Variants in MASP1 observed in about 807,000 individuals in gnomAD.
The protein encoded by MASP1 is mannan-binding lectin serine protease 1.
A neutral mutation model predicts 77.1 loss-of-function variants in MASP1; 59 were observed. The observed-to-expected ratio is 0.77, with a 90% confidence interval of 0.62 to 0.95. The LOEUF (loss-of-function observed/expected upper bound fraction) is 0.95, where lower values mean the gene tolerates loss of function less well. MASP1 is among the 40% of genes least tolerant of loss of function. The pLI, the probability that MASP1 is intolerant of heterozygous loss-of-function variation, is 0.00. For synonymous variants in MASP1, 362 were observed against 354.5 expected (o/e 1.02, Z -0.24); for missense variants, 885 against 912.9 (o/e 0.97, Z 0.39).
Position 187,235,525 on chromosome 3 carries a change from C to G in MASP1, c.*159G>C. ...CCTGGAGCCTTTTCCCTATACCACACTCTGCCTCTCAGGGTCCTGGGGGCT... is the reference window on the plus strand; with the variant it reads ...CCTGGAGCCTTTTCCCTATACCACAGTCTGCCTCTCAGGGTCCTGGGGGCT... On this transcript the variant is annotated 3_prime_UTR_variant, in exon 11 of 11. Transcript: ENST00000296280. 1 of 1,533,852 alleles carries G rather than the reference C, an allele frequency of 6.5e-7. No homozygotes were observed. The highest frequency in any genetic ancestry group is 8.7e-7 in the Non-Finnish European group (1 of 1,146,994).
intron 8 of MASP1, among the ~76,000 whole-genome samples, chr3:187,245,505 T>C (rs1478901120): frequency 6.6e-6 from 1 of 151,978 alleles, no homozygotes; most frequent in Non-Finnish European, 1.5e-5. Flanking sequence ...GCCCTACAAC[T>C]AGGTAGAGGG....
chr3:187,285,952 G>A lies in MASP1; in HGVS notation c.110C>T (p.Pro37Leu). The A allele has an allele frequency of 6.2e-7, 1 of 1,614,200 alleles. No homozygotes were observed. The highest frequency in any genetic ancestry group is 8.5e-7 in the Non-Finnish European group (1 of 1,180,016). The part of the protein sequence containing the change: ...MFGQIQSPGY[P>L]DSYPSDSEVT... The stretch of plus-strand genomic sequence containing the variant: ...CTCTGAATCACTGGGATAGGAGTCT[G>A]GATAACCAGGCGACTGGATCTGGCC... Residue 37 changes from proline (P) to leucine (L), a missense_variant, in exon 2 of 11, where the codon CCA becomes CTA. Transcript: ENST00000296280.
chr3:187,282,876 G>A (rs546356052), intron 2 of MASP1, among the ~76,000 whole-genome samples: 66 of 152,300 alleles, frequency 4.3e-4, no homozygotes, highest in African/African-American at 1.4e-3. Flanking sequence ...TCTTTGAAAG[G>A]AACTGGAAAA....
chr3:187,226,185 C>CTTCA, intron 12 of MASP1: 5 of 562,502 alleles, frequency 8.9e-6, no homozygotes, highest in Non-Finnish European at 1.6e-5. Flanking sequence ...CTCATTTTAT[C>CTTCA]GTTGTGAAAC....
intron 2 of MASP1, among the ~76,000 whole-genome samples, chr3:187,279,950 T>G (rs765480494): frequency 2.1e-4 from 32 of 152,242 alleles, no homozygotes; most frequent in Non-Finnish European, 3.7e-4. Flanking sequence ...TAGTTCATTT[T>G]ACTTCGAAGA....
intron 2 of MASP1, among the ~76,000 whole-genome samples, chr3:187,279,374 T>C (rs1049446672): frequency 2.0e-5 from 3 of 152,190 alleles, no homozygotes; most frequent in Non-Finnish European, 4.4e-5. Flanking sequence ...GCTGCAAGAG[T>C]TGCCAGATTT....
chr3:187,218,583 G>C (rs957890010), exon 16 of MASP1: 1 of 148,820 alleles, frequency 6.7e-6, no homozygotes, highest in Admixed American at 6.8e-5. Flanking sequence ...TTCAGCCTGG[G>C]GCTTAATATA....
intron 8 of MASP1, chr3:187,247,197 G>A: frequency 6.4e-7 from 1 of 1,562,960 alleles, no homozygotes; most frequent in South Asian, 1.2e-5. Context: ...AGATCATGTT[G>A]TTCAGCACCC....
chr3:187,274,394 G>C (rs1407867021), intron 2 of MASP1, among the ~76,000 whole-genome samples: 1 of 152,090 alleles, frequency 6.6e-6, no homozygotes, highest in Non-Finnish European at 1.5e-5. Context: ...AGTCCACATA[G>C]CCTACAAGTA....
intron 8 of MASP1, among the ~76,000 whole-genome samples, chr3:187,245,419 C>T (rs150698499): frequency 3.9e-5 from 6 of 152,112 alleles, no homozygotes; most frequent in South Asian, 4.2e-4. Context: ...CTGATGCTGG[C>T]GGATAGATAT....
intron 2 of MASP1, among the ~76,000 whole-genome samples, chr3:187,268,800 C>T (rs1382898725): frequency 6.6e-6 from 1 of 152,170 alleles, no homozygotes; most frequent in Non-Finnish European, 1.5e-5. Flanking sequence ...GGTGTGGTGG[C>T]TTACGCCTGT....
At chr3:187,245,336 C>G (rs559032684) in intron 8 of MASP1, among the ~76,000 whole-genome samples, 4 of 152,184 alleles carry the variant, frequency 2.6e-5, no homozygotes, top group African/African-American at 7.2e-5. Context: ...TCCACCTGAC[C>G]GCCCAGTTCA....
rs1429059935 is a variant in MASP1 at position 187,235,450 on chromosome 3, G to T, written c.*234C>A. The T allele has an allele frequency of 2.6e-6, 4 of 1,511,274 alleles. No homozygotes were observed. The Admixed American group carries it at 6.0e-5, about 23-fold the overall frequency. 93.6% of individuals were successfully genotyped at this position (1,511,274 alleles called of 1,614,324 possible). On this transcript the variant is annotated 3_prime_UTR_variant, in exon 11 of 11. Coordinates refer to ENST00000296280, the MANE Select transcript of MASP1 (RefSeq NM_139125.4). ...GCATTGTATTACTCGGTAGAGTGAG[G>T]CCCAGACAGGGAAAGAGACTTGGAC...
intron 1 of MASP1, among the ~76,000 whole-genome samples, chr3:187,290,270 A>G (rs1185088160): frequency 1.3e-5 from 2 of 152,168 alleles, no homozygotes; most frequent in African/African-American, 4.8e-5. Context: ...AGAGAAAGAG[A>G]TATTTGTGCC....
intron 8 of MASP1, chr3:187,246,881 C>A (rs1199796809): frequency 2.4e-5 from 25 of 1,023,026 alleles, no homozygotes; most frequent in South Asian, 3.8e-5. Flanking sequence ...GTTAAGAAAG[C>A]AGCAACAGGT....
chr3:187,225,550 G>T, intron 12 of MASP1: 2 of 1,602,302 alleles, frequency 1.2e-6, no homozygotes, highest in Non-Finnish European at 1.7e-6. Context: ...GTGCAATGGA[G>T]GATAAGGTCA....
chr3:187,223,088 T>A (rs754627768), intron 14 of MASP1: 1 of 1,549,904 alleles, frequency 6.5e-7, no homozygotes, highest in East Asian at 2.2e-5. Flanking sequence ...AGTGCAGAGC[T>A]GAGGTGTCAC....
intron 2 of MASP1, among the ~76,000 whole-genome samples, chr3:187,281,005 A>G (rs187274196): frequency 8.5e-5 from 13 of 152,322 alleles, no homozygotes; most frequent in Non-Finnish European, 1.5e-4. Context: ...CATCTGCCCA[A>G]GGTTAATGAG....
At chr3:187,257,176 C>G (rs990386876) in intron 4 of MASP1, among the ~76,000 whole-genome samples, 1 of 151,894 alleles carries the variant, frequency 6.6e-6, no homozygotes, top group Non-Finnish European at 1.5e-5. Flanking sequence ...ATGGAGTGGT[C>G]AGGGGGATGC....
Sources: allele counts gnomAD v4.1 joint callset (sites outside exome capture counted in the v4.1 genomes callset), GRCh38; gene constraint gnomAD v4.1.1; transcripts MANE v1.5; gene names NCBI Gene and HGNC (gene_info 2026-07-23, HGNC 2026-07-21).